Variants in GATAD2A observed in about 807,000 individuals in gnomAD.
The protein encoded by GATAD2A is GATA zinc finger domain containing 2A.
A neutral mutation model predicts 68.5 loss-of-function variants in GATAD2A; 12 were observed. The observed-to-expected ratio is 0.18, with a 90% CI of 0.11 to 0.28. The LOEUF is 0.28. Among genes scored for constraint, GATAD2A ranks in the 10% least tolerant of loss-of-function variants. The probability of loss-of-function intolerance (pLI) is 1.00; values close to 1 mark genes in which losing one functional copy is unlikely to be tolerated. For synonymous variants in GATAD2A, 410 were observed against 375.3 expected, an observed-to-expected ratio of 1.09 and a Z score of -1.07; for missense variants, 755 against 868.5, an observed-to-expected ratio of 0.87 and a Z score of 1.64.
intron 1 of GATAD2A, among the ~76,000 whole-genome samples, chr19:19,423,057 C>T (rs1042744703): frequency 3.9e-5 from 6 of 152,070 alleles, no homozygotes; most frequent in African/African-American, 7.2e-5. Flanking sequence ...TCCAGGCTGG[C>T]GTGCAGTGGC....
intron 1 of GATAD2A, among the ~76,000 whole-genome samples, chr19:19,458,113 C>G (rs2057103143): frequency 6.6e-6 from 1 of 152,182 alleles, no homozygotes; most frequent in Non-Finnish European, 1.5e-5. Context: ...TCTGGTGTGT[C>G]TTTACTTTTC....
Position 19,498,619 on chromosome 19 carries a change from G to A in GATAD2A, c.1101G>A (p.Lys367=), listed in dbSNP as rs1316826243. ...CGCTACTCGAGATCCCCCCACCCAA[G>A]CCCCCAGCCCCAGAGATGAACTTCC... The part of the protein sequence containing the change: ...EKTLLEIPPP[K]PPAPEMNFLP... Residue 367 remains lysine (K), a synonymous_variant, in exon 8 of 12, where the codon AAG becomes AAA. Transcript: ENST00000683918. The A allele has an allele frequency of 9.3e-6, 15 of 1,612,480 alleles. No homozygotes were observed. Among genetic ancestry groups the A allele is most frequent in the East Asian group, 2.2e-5 (1 of 44,874 alleles).
Position 19,502,448 on chromosome 19 carries a change from G to A in GATAD2A, c.1696G>A (p.Gly566Ser), listed in dbSNP as rs755382122. ...GGCCACAGCCCTGGTCAGCAGGACC[G>A]GCAGACATTCTGAGAGAACCGTGAG... The part of the protein sequence containing the change: ...ASATALVSRT[G>S]RHSERTVSAG... Residue 566 changes from glycine to serine, a missense_variant, in exon 11 of 12, where the codon GGC (glycine) becomes AGC (serine). Physicochemically the swap from Gly to Ser is moderately conservative, Grantham distance 56 (BLOSUM62 0). Coordinates refer to ENST00000683918, the MANE Select transcript of GATAD2A (RefSeq NM_001384528.1). 146 of 1,613,534 alleles carry A rather than the reference G, an allele frequency of 9.0e-5. No individual in the cohort carries two copies. The highest frequency in any genetic ancestry group is 1.5e-4 in the Admixed American group (9 of 60,004).
rs1170068135 is a variant in GATAD2A at position 19,506,666 on chromosome 19, G to T, written c.*1192G>T. ...GAGTCTACAAAAATGTTTTTAAAAG[G>T]ATCAGGTCTGCTTTTAGTTTCATTT... On this transcript the variant is annotated 3_prime_UTR_variant, in exon 12 of 12. Transcript: ENST00000683918. The T allele has an allele frequency of 6.6e-6, 1 of 152,132 alleles. No individual in the cohort carries two copies. The highest frequency in any genetic ancestry group is 1.5e-5 in the Non-Finnish European group (1 of 68,092). 9.4% of individuals were successfully genotyped at this position (152,132 alleles called of 1,614,324 possible). A position where few individuals can be genotyped will look rare whatever the true frequency, so the allele number is the denominator to read the frequency against.
At chr19:19,415,940 A>T (rs1419781551) in intron 1 of GATAD2A, among the ~76,000 whole-genome samples, 2 of 141,470 alleles carry the variant, frequency 1.4e-5, no homozygotes, top group Non-Finnish European at 3.0e-5. Flanking sequence ...AGAGCATAAA[A>T]CTACTTTTCC....
intron 1 of GATAD2A, among the ~76,000 whole-genome samples, chr19:19,423,845 T>G (rs2147303744): frequency 6.6e-6 from 1 of 152,254 alleles, no homozygotes; most frequent in East Asian, 1.9e-4. Context: ...AGCACTGACC[T>G]TGCTGCTTGG....
chr19:19,416,531 C>T (rs1286677781), intron 1 of GATAD2A, among the ~76,000 whole-genome samples: 1 of 152,242 alleles, frequency 6.6e-6, no homozygotes, highest in South Asian at 2.1e-4. Flanking sequence ...CAAAAGGCAG[C>T]AGAAGTGGAC....
At chr19:19,435,371 A>G (rs1448995870) in intron 1 of GATAD2A, among the ~76,000 whole-genome samples, 1 of 152,008 alleles carries the variant, frequency 6.6e-6, no homozygotes, top group Non-Finnish European at 1.5e-5. Context: ...CCACAGGCAC[A>G]CGCCACCACA....
intron 1 of GATAD2A, among the ~76,000 whole-genome samples, chr19:19,458,924 C>T: frequency 6.6e-6 from 1 of 152,162 alleles, no homozygotes; most frequent in South Asian, 2.1e-4. Context: ...AGGGAGCCTC[C>T]TTCCTCCTCG....
chr19:19,409,064 A>G (rs927478042), intron 1 of GATAD2A, among the ~76,000 whole-genome samples: 1 of 150,252 alleles, frequency 6.7e-6, no homozygotes, highest in East Asian at 1.9e-4. Context: ...AAAATTAAGA[A>G]TGACCAGCAG....
intron 1 of GATAD2A, among the ~76,000 whole-genome samples, chr19:19,453,214 G>C (rs1430679569): frequency 6.6e-6 from 1 of 152,158 alleles, no homozygotes; most frequent in African/African-American, 2.4e-5. Context: ...TTAGGGCTTT[G>C]GTGTGATTCT....
chr19:19,500,564 C>G (rs2060461643), intron 8 of GATAD2A, among the ~76,000 whole-genome samples: 2 of 152,244 alleles, frequency 1.3e-5, no homozygotes, highest in African/African-American at 4.8e-5. Flanking sequence ...ATTCTGTCCC[C>G]CAGACAAGGG....
chr19:19,447,912 C>T (rs903662045), intron 1 of GATAD2A, among the ~76,000 whole-genome samples: 2 of 152,236 alleles, frequency 1.3e-5, no homozygotes, highest in Non-Finnish European at 2.9e-5. Flanking sequence ...TGTGCCAGAC[C>T]TCCCTGCCGT....
chr19:19,474,412 C>A (rs1027655242), intron 2 of GATAD2A, among the ~76,000 whole-genome samples: 1 of 152,224 alleles, frequency 6.6e-6, no homozygotes, highest in African/African-American at 2.4e-5. Context: ...ACTCCCAGCC[C>A]TTCCTGTTTT....
chr19:19,458,118 C>G (rs1408824675), intron 1 of GATAD2A, among the ~76,000 whole-genome samples: 1 of 152,184 alleles, frequency 6.6e-6, no homozygotes, highest in Admixed American at 6.5e-5. Flanking sequence ...TGTGTCTTTA[C>G]TTTTCAGGCC....
Position 19,507,764 on chromosome 19 carries a change from T to TCCCCC in GATAD2A, c.*2292_*2296dup, listed in dbSNP as rs1491399100. On this transcript the variant is annotated 3_prime_UTR_variant, in exon 12 of 12. Transcript: ENST00000683918. The stretch of plus-strand genomic sequence containing the variant: ...TACTGTGATGTAAACTTTTTTTTTT[T>TCCCCC]CCCCCCAGGGGGCAAAAGTGTGAGA... 6.9e-6 allele frequency: 1 copy of TCCCCC among 145,970 alleles called. No individual in the cohort carries two copies. Among genetic ancestry groups the TCCCCC allele is most frequent in the African/African-American group, 2.6e-5 (1 of 38,646 alleles). 9.0% of individuals were successfully genotyped at this position (145,970 alleles called of 1,614,324 possible).
chr19:19,501,015 C>T, intron 8 of GATAD2A, 103 bp from the exon 9 acceptor site: 1 of 1,027,478 alleles, frequency 9.7e-7, no homozygotes. Flanking sequence ...GCAGAACGGA[C>T]AGACTGTGGC....
intron 2 of GATAD2A, among the ~76,000 whole-genome samples, chr19:19,479,281 CT>C (rs2058889638): frequency 6.6e-6 from 1 of 152,176 alleles, no homozygotes; most frequent in African/African-American, 2.4e-5. Context: ...TTAGAATAGT[CT>C]TAGACTCACA....
intron 1 of GATAD2A, among the ~76,000 whole-genome samples, chr19:19,459,779 C>G (rs527878571): frequency 6.6e-6 from 1 of 152,212 alleles, no homozygotes; most frequent in Non-Finnish European, 1.5e-5. Flanking sequence ...GGCCAGCCAG[C>G]GTGTGTGTGA....
Sources: allele counts gnomAD v4.1 joint callset (sites outside exome capture counted in the v4.1 genomes callset), GRCh38; gene constraint gnomAD v4.1.1; transcripts MANE v1.5; gene names NCBI Gene and HGNC (gene_info 2026-07-23, HGNC 2026-07-21).